The following ZNG1A variants were observed in gnomAD, a reference collection of about 807,000 sequenced individuals.
ZNG1A encodes the protein Zn regulated GTPase metalloprotein activator 1A.
the ZNG1A span, chr9:167,501 A>G: frequency 1.0e-4 from 15 of 149,476 alleles, no homozygotes; most frequent in African/African-American, 3.7e-4. Flanking sequence ...TGAAGTGTAT[A>G]AGAACCCAAA....
chr9:141,261 G>A, the ZNG1A span, among the ~76,000 whole-genome samples: 1 of 124,312 alleles, frequency 8.0e-6, no homozygotes, highest in Non-Finnish European at 1.6e-5. Flanking sequence ...AAGTTGAAAT[G>A]AAGGAAAAAA....
the ZNG1A span, among the ~76,000 whole-genome samples, chr9:175,151 G>T: frequency 6.6e-6 from 1 of 152,116 alleles, no homozygotes; most frequent in Non-Finnish European, 1.5e-5. Flanking sequence ...AGGCCGAGGC[G>T]GGTGGATCAC....
the ZNG1A span, among the ~76,000 whole-genome samples, chr9:169,713 A>G: frequency 5.0e-3 from 755 of 150,260 alleles, 46 homozygotes; most frequent in African/African-American, 0.018. Flanking sequence ...AAGACCCTCT[A>G]CCAGCAAAAA....
the ZNG1A span, chr9:154,436 A>G: frequency 1.8e-5 from 9 of 504,294 alleles, no homozygotes; most frequent in Admixed American, 3.7e-5. Context: ...ATTAGGAAAG[A>G]GTCAAAGAGA....
the ZNG1A span, chr9:148,104 C>T: frequency 7.7e-6 from 1 of 129,422 alleles, no homozygotes; most frequent in Admixed American, 8.3e-5. Flanking sequence ...AATGAAGTTT[C>T]CCTCCAAGTT....
the ZNG1A span, chr9:154,752 G>A: frequency 6.3e-7 from 1 of 1,597,916 alleles, no homozygotes; most frequent in Non-Finnish European, 8.5e-7. Flanking sequence ...TCTGGAACCA[G>A]GTCTGTTTTA....
chr9:139,798 G>A, the ZNG1A span, among the ~76,000 whole-genome samples: 3 of 151,536 alleles, frequency 2.0e-5, no homozygotes, highest in Non-Finnish European at 2.9e-5. Context: ...CAGGTCAGTG[G>A]GTGCGTGCAC....
the ZNG1A span, among the ~76,000 whole-genome samples, chr9:178,550 G>C: frequency 9.0e-6 from 1 of 111,032 alleles, no homozygotes; most frequent in African/African-American, 2.7e-5. Flanking sequence ...CAATTAGGGG[G>C]GCGTGTCTTA....
At chr9:141,162 C>A in the ZNG1A span, among the ~76,000 whole-genome samples, 359 of 139,108 alleles carry the variant, frequency 2.6e-3, 2 homozygotes, top group Non-Finnish European at 4.4e-3. Context: ...CAAGGCAGGC[C>A]AACATTCAGA....
the ZNG1A span, among the ~76,000 whole-genome samples, chr9:125,147 G>T: frequency 2.0e-5 from 3 of 152,136 alleles, no homozygotes; most frequent in African/African-American, 7.2e-5. Context: ...TTCCATAGTG[G>T]TTGTACTAGT....
chr9:162,360 G>A, the ZNG1A span: 1 of 1,319,300 alleles, frequency 7.6e-7, no homozygotes, highest in Non-Finnish European at 1.0e-6. Context: ...CAAACATAAA[G>A]AAAATTAAAC....
chr9:127,799 T>C, the ZNG1A span, among the ~76,000 whole-genome samples: 6 of 152,380 alleles, frequency 3.9e-5, no homozygotes, highest in East Asian at 5.8e-4. Context: ...CGTCCTGTGA[T>C]ATTTATGCTT....
the ZNG1A span, chr9:161,510 T>G: frequency 1.8e-6 from 2 of 1,126,868 alleles, no homozygotes; most frequent in Non-Finnish European, 2.4e-6. Context: ...GATATGAGGT[T>G]GGATACAAAA....
chr9:178,039 T>C, the ZNG1A span, among the ~76,000 whole-genome samples: 9 of 149,610 alleles, frequency 6.0e-5, no homozygotes, highest in Non-Finnish European at 1.2e-4. Flanking sequence ...TTCTTAACTT[T>C]TTCCAAACTT....
chr9:168,547 C>T, the ZNG1A span, among the ~76,000 whole-genome samples: 101 of 150,532 alleles, frequency 6.7e-4, no homozygotes, highest in Middle Eastern at 3.4e-3. Flanking sequence ...CCACCGAGCC[C>T]GGCCAGCAAC....
At chr9:122,239 T>C in the ZNG1A span, 2 of 1,424,330 alleles carry the variant, frequency 1.4e-6, no homozygotes, top group Non-Finnish European at 9.2e-7. Context: ...TTCCAATTAT[T>C]TGTGAATTAC....
the ZNG1A span, among the ~76,000 whole-genome samples, chr9:140,302 G>A: frequency 3.4e-3 from 511 of 151,932 alleles, 5 homozygotes; most frequent in African/African-American, 0.012. Flanking sequence ...CTCCCAGCAC[G>A]CAGCTGGAGA....
chr9:172,154 A>G, the ZNG1A span: 2 of 1,611,304 alleles, frequency 1.2e-6, no homozygotes, highest in South Asian at 2.2e-5. Context: ...AATTCTCAAT[A>G]GCTCTAAGGC....
At chr9:175,038 T>C in the ZNG1A span, among the ~76,000 whole-genome samples, 1 of 152,146 alleles carries the variant, frequency 6.6e-6, no homozygotes, top group Non-Finnish European at 1.5e-5. Context: ...GTATTTTTCA[T>C]GAGTTGCAAT....
Sources: allele counts gnomAD v4.1 joint callset (sites outside exome capture counted in the v4.1 genomes callset), GRCh38; gene constraint gnomAD v4.1.1; transcripts MANE v1.5; gene names NCBI Gene and HGNC (gene_info 2026-07-23, HGNC 2026-07-21).